Variants in DPP10 observed in about 807,000 individuals in gnomAD.
DPP10 encodes inactive dipeptidyl peptidase 10.
Under a neutral mutation model 120.9 loss-of-function variants are expected in DPP10, and 33 were observed. The ratio of observed to expected loss-of-function variants is 0.27; its 90% CI spans 0.21 to 0.37. DPP10 has a LOEUF of 0.37. Among genes scored for constraint, DPP10 ranks in the 10% least tolerant of loss-of-function variants. The probability of loss-of-function intolerance (pLI) is 1.00; values close to 1 mark genes in which losing one functional copy is unlikely to be tolerated. For missense variants in DPP10, 816 were observed against 942.8 expected, an observed-to-expected ratio of 0.87 and a Z score of 1.76; for synonymous variants, 337 against 326.1, an observed-to-expected ratio of 1.03 and a Z score of -0.36.
chr2:115,191,336 C>T (rs778374661), intron 1 of DPP10, among the ~76,000 whole-genome samples: 90 of 152,342 alleles, frequency 5.9e-4, no homozygotes, highest in Admixed American at 4.2e-3. Flanking sequence ...GAATTTTCGT[C>T]AAACACTTCT....
In DPP10 at chr2:115,776,193, G is replaced by A. The variant is rs528994721; in HGVS notation, c.1222-1015G>A. 1.0e-3 allele frequency among the ~76,000 whole-genome samples: 154 copies of A among 152,172 alleles called. 1 individual carries two copies. Among genetic ancestry groups the A allele is most frequent in the African/African-American group, 3.4e-3 (141 of 41,526 alleles). On this transcript the variant is annotated intron_variant, in intron 13 of 25. Transcript: ENST00000410059. ...ATACTTGAAGCTCTGGGGTACATGT[G>A]CAGAAGGTGCAGGTGTGTTACATAG...
chr2:114,584,447 A>G (rs184497367), intron 1 of DPP10, among the ~76,000 whole-genome samples: 1,553 of 152,024 alleles, frequency 0.01, 25 homozygotes, highest in African/African-American at 0.034. Flanking sequence ...CACAATGTGC[A>G]GGTTAGTTAC....
At chr2:114,629,859 C>A (rs1474507213) in intron 1 of DPP10, among the ~76,000 whole-genome samples, 2 of 151,886 alleles carry the variant, frequency 1.3e-5, no homozygotes, top group Non-Finnish European at 2.9e-5. Flanking sequence ...ATAAAAAAAA[C>A]CCTCAGTGGA....
chr2:114,927,318 G>GTT (rs11450458), intron 1 of DPP10, among the ~76,000 whole-genome samples: 41 of 147,104 alleles, frequency 2.8e-4, no homozygotes, highest in East Asian at 1.2e-3. Flanking sequence ...ATTTAGAAAG[G>GTT]TTTTTTTTTT....
chr2:114,644,898 C>T (rs1696002487), intron 1 of DPP10, among the ~76,000 whole-genome samples: 1 of 151,852 alleles, frequency 6.6e-6, no homozygotes, highest in Non-Finnish European at 1.5e-5. Flanking sequence ...ATTTTAGTTG[C>T]TATTTCACTG....
chr2:115,299,440 A>G (rs1048507920), intron 1 of DPP10, among the ~76,000 whole-genome samples: 19 of 152,022 alleles, frequency 1.2e-4, no homozygotes, highest in Non-Finnish European at 2.9e-5. Flanking sequence ...CTGATAAGAA[A>G]TACTGTAAGA....
chr2:115,739,727 C>T lies in DPP10; in HGVS notation c.698-12C>T, dbSNP rs79697442. On this transcript the variant is annotated splice_polypyrimidine_tract_variant and intron_variant, in intron 8 of 25. Transcript: ENST00000410059. ...TCTACAGTTGGTCTCAAATAACACT[C>T]ATTTATTCTAGAGGAACTCCTGCAT... is the stretch of plus-strand genomic sequence containing the variant. The T allele has an allele frequency of 2.2e-3, 3,573 of 1,612,280 alleles. 61 individuals carry two copies. The African/African-American group carries it at 0.037, about 16-fold the overall frequency.
At chr2:115,443,929 C>T (rs1003213029) in intron 3 of DPP10, among the ~76,000 whole-genome samples, 1 of 152,126 alleles carries the variant, frequency 6.6e-6, no homozygotes, top group Admixed American at 6.5e-5. Flanking sequence ...CCATTAGATG[C>T]CAGTAGCATC....
chr2:114,755,318 G>C (rs1241103084), intron 1 of DPP10, among the ~76,000 whole-genome samples: 1 of 152,098 alleles, frequency 6.6e-6, no homozygotes, highest in Non-Finnish European at 1.5e-5. Context: ...TTTAGAGACA[G>C]GGTCTCACTC....
At chr2:114,499,061 C>A (rs970244496) in intron 1 of DPP10, among the ~76,000 whole-genome samples, 3 of 152,178 alleles carry the variant, frequency 2.0e-5, no homozygotes, top group African/African-American at 7.2e-5. Context: ...AAAGACAAAT[C>A]CCATAGTCCT....
intron 3 of DPP10, among the ~76,000 whole-genome samples, chr2:115,479,188 A>G (rs970087289): frequency 2.0e-5 from 3 of 152,192 alleles, no homozygotes; most frequent in African/African-American, 7.2e-5. Flanking sequence ...GATAAACAAA[A>G]TGTGGGATAT....
chr2:115,332,834 A>T (rs943811313), intron 2 of DPP10, among the ~76,000 whole-genome samples: 1 of 151,984 alleles, frequency 6.6e-6, no homozygotes, highest in Non-Finnish European at 1.5e-5. Context: ...TGAGGAGAGC[A>T]TTCCTTCCAA....
chr2:115,404,707 C>T (rs553722651), intron 3 of DPP10, among the ~76,000 whole-genome samples: 1 of 152,176 alleles, frequency 6.6e-6, no homozygotes, highest in Non-Finnish European at 1.5e-5. Flanking sequence ...ATTTGATCAG[C>T]ATCTGATGAG....
chr2:115,376,418 C>A (rs75974702), intron 3 of DPP10, among the ~76,000 whole-genome samples: 2,171 of 152,046 alleles, frequency 0.014, 46 homozygotes, highest in African/African-American at 0.05. Context: ...TATTGTATTA[C>A]CAAGTGGAGG....
At chr2:115,612,862 C>CTT (rs564852933) in intron 5 of DPP10, among the ~76,000 whole-genome samples, 2 of 145,306 alleles carry the variant, frequency 1.4e-5, no homozygotes, top group African/African-American at 5.0e-5. Context: ...ACATCTGTAT[C>CTT]TTTTTTTTTT....
intron 1 of DPP10, among the ~76,000 whole-genome samples, chr2:114,465,983 C>T (rs1251836469): frequency 2.6e-5 from 4 of 152,202 alleles, no homozygotes; most frequent in Non-Finnish European, 5.9e-5. Context: ...CAACCTTTGG[C>T]TGTGCTTCCC....
At chr2:114,576,044 G>T (rs1246942352) in intron 1 of DPP10, among the ~76,000 whole-genome samples, 4 of 152,174 alleles carry the variant, frequency 2.6e-5, no homozygotes, top group Non-Finnish European at 5.9e-5. Context: ...AAAAGAACTA[G>T]GATAAAGTAA....
intron 1 of DPP10, among the ~76,000 whole-genome samples, chr2:114,848,170 A>C (rs1310988454): frequency 6.6e-6 from 1 of 152,200 alleles, no homozygotes; most frequent in South Asian, 2.1e-4. Flanking sequence ...GCCAACAAGT[A>C]GAAGATGACA....
At chr2:115,214,555 A>G (rs2056704024) in intron 1 of DPP10, among the ~76,000 whole-genome samples, 3 of 152,166 alleles carry the variant, frequency 2.0e-5, no homozygotes, top group Non-Finnish European at 4.4e-5. Flanking sequence ...ATATTGATCA[A>G]TATTGCCATG....
Sources: allele counts gnomAD v4.1 joint callset (sites outside exome capture counted in the v4.1 genomes callset), GRCh38; gene constraint gnomAD v4.1.1; transcripts MANE v1.5; gene names NCBI Gene and HGNC (gene_info 2026-07-23, HGNC 2026-07-21).